BFSP2: variants seen among roughly 807,000 people sequenced by gnomAD.
BFSP2 encodes the protein beaded filament structural protein 2, also known as phakinin.
BFSP2 carries 38 observed loss-of-function variants against 44.9 expected under a neutral mutation model. That is an observed-to-expected ratio of 0.85 (90% CI 0.65 to 1.11). The LOEUF (loss-of-function observed/expected upper bound fraction) is 1.11, where lower values mean the gene tolerates loss of function less well. Among genes scored for constraint, BFSP2 ranks in the 50% least tolerant of loss-of-function variants. The pLI is 0.00. For missense variants in BFSP2, 525 were observed against 533.0 expected (o/e 0.99, Z 0.15); for synonymous variants, 197 against 209.9 (o/e 0.94, Z 0.53).
At chr3:133,444,913 C>A (rs147444973) in intron 1 of BFSP2, among the ~76,000 whole-genome samples, 1 of 151,952 alleles carries the variant, frequency 6.6e-6, no homozygotes, top group African/African-American at 2.4e-5. Flanking sequence ...ACTTAGTGCA[C>A]AGATCACCTC....
chr3:133,430,024 T>C (rs9882649), intron 1 of BFSP2, among the ~76,000 whole-genome samples: 123,838 of 148,416 alleles, frequency 0.83, 51,983 homozygotes, highest in Middle Eastern at 0.95. Flanking sequence ...TTTGTCCTTG[T>C]GATAGTTTGC....
At chr3:133,402,157 C>T (rs1475173944) in intron 1 of BFSP2, among the ~76,000 whole-genome samples, 1 of 152,194 alleles carries the variant, frequency 6.6e-6, no homozygotes, top group African/African-American at 2.4e-5. Flanking sequence ...ATCTGCTGGA[C>T]AATCGCTTGC....
rs990964974 is a variant in BFSP2, at chr3:133,436,194, C to A, written c.490-11123C>A. ...ACAAAAAATTAGCTGAGTGCAGTGT[C>A]GTGTGCCTGTAGTCCCAGCTACTGG... On this transcript the variant is annotated intron_variant, in intron 1 of 6. Transcript: ENST00000302334. Among the ~76,000 whole-genome samples the A allele has an allele frequency of 3.3e-5, 5 of 151,982 alleles. 1 individual carries two copies. The South Asian group carries it at 1.0e-3, about 32-fold the overall frequency.
intron 1 of BFSP2, among the ~76,000 whole-genome samples, chr3:133,406,378 T>C (rs1408874267): frequency 1.3e-5 from 2 of 152,202 alleles, no homozygotes; most frequent in African/African-American, 4.8e-5. Flanking sequence ...CCTCTTTCCA[T>C]GCCCCTCTCA....
Position 133,400,453 on chromosome 3 carries a change from G to A in BFSP2, c.370G>A (p.Ala124Thr), listed in dbSNP as rs754811534. The stretch of plus-strand genomic sequence containing the variant: ...GGTGGAATATATGGCCAAAGTGCAC[G>A]CCCTTGAGCAAGTCAGTCAGGAGCT... ...CLVEYMAKVH[A>T]LEQVSQELET... Residue 124 changes from alanine to threonine, a missense_variant, in exon 1 of 7, where the codon GCC becomes ACC. Transcript: ENST00000302334. This position sits in a 1 kb window ranked among gnomAD's most constrained non-coding sequence, Gnocchi z 4.0. The A allele has an allele frequency of 2.0e-5, 33 of 1,613,928 alleles. No homozygotes were observed. The highest frequency in any genetic ancestry group is 5.0e-5 in the Admixed American group (3 of 60,016).
intron 1 of BFSP2, among the ~76,000 whole-genome samples, chr3:133,424,223 T>A (rs1314574613): frequency 1.9e-5 from 2 of 104,004 alleles, no homozygotes; most frequent in African/African-American, 1.2e-4. Context: ...TTTTTTTTTT[T>A]TTTTTTTTTT....
intron 5 of BFSP2, among the ~76,000 whole-genome samples, chr3:133,468,006 G>T (rs1348659678): frequency 6.6e-6 from 1 of 152,174 alleles, no homozygotes; most frequent in Non-Finnish European, 1.5e-5. Context: ...TGCAAAATGG[G>T]TATGATAGTC....
intron 1 of BFSP2, among the ~76,000 whole-genome samples, chr3:133,430,120 G>A (rs1346265300): frequency 6.6e-6 from 1 of 151,910 alleles, no homozygotes; most frequent in African/African-American, 2.4e-5. Flanking sequence ...ATTCCATAGT[G>A]TATATGTGCC....
intron 1 of BFSP2, among the ~76,000 whole-genome samples, chr3:133,431,657 C>T (rs182599248): frequency 6.6e-6 from 1 of 152,126 alleles, no homozygotes; most frequent in African/African-American, 2.4e-5. Flanking sequence ...CTTTAGGTAA[C>T]TCTCACAGCG....
At chr3:133,446,179 G>A (rs1456504871) in intron 1 of BFSP2, among the ~76,000 whole-genome samples, 1 of 152,122 alleles carries the variant, frequency 6.6e-6, no homozygotes, top group Non-Finnish European at 1.5e-5. Context: ...CCAGGACTCT[G>A]GGAGGCCAAG....
intron 1 of BFSP2, among the ~76,000 whole-genome samples, chr3:133,411,176 C>A: frequency 6.9e-5 from 4 of 58,182 alleles, no homozygotes; most frequent in African/African-American, 7.1e-5. Context: ...GTCAGTATAA[C>A]ACCGAAAAAA....
At chr3:133,407,258 T>C (rs936930405) in intron 1 of BFSP2, among the ~76,000 whole-genome samples, 3 of 151,962 alleles carry the variant, frequency 2.0e-5, no homozygotes, top group African/African-American at 7.3e-5. Context: ...AACAAAAAGA[T>C]AAAAGAGATG....
chr3:133,415,238 T>C (rs2073508425), intron 1 of BFSP2, among the ~76,000 whole-genome samples: 1 of 97,436 alleles, frequency 1.0e-5, no homozygotes, highest in African/African-American at 4.2e-5. Flanking sequence ...CTCTGTCCTC[T>C]CCCCTCTACT....
At chr3:133,474,820 A>T in intron 6 of BFSP2, 149 bp from the exon 7 acceptor site, 1 of 1,045,974 alleles carries the variant, frequency 9.6e-7, no homozygotes, top group African/African-American at 1.6e-5. Context: ...ACAGCAAATA[A>T]CCATGGAGTA....
intron 1 of BFSP2, among the ~76,000 whole-genome samples, chr3:133,443,560 C>T (rs2073865706): frequency 6.6e-6 from 1 of 152,182 alleles, no homozygotes; most frequent in Non-Finnish European, 1.5e-5. Flanking sequence ...AATATGAGCA[C>T]AGAGAAGCAT....
At chr3:133,439,712 G>A (rs1429400552) in intron 1 of BFSP2, among the ~76,000 whole-genome samples, 1 of 152,204 alleles carries the variant, frequency 6.6e-6, no homozygotes, top group Non-Finnish European at 1.5e-5. Context: ...TCAGTTCATG[G>A]TTGGGGAGTG....
At chr3:133,445,673 A>G (rs1310129931) in intron 1 of BFSP2, 1 of 152,240 alleles carries the variant, frequency 6.6e-6, no homozygotes, top group East Asian at 1.9e-4. Context: ...CACAATAAAT[A>G]ACAACTATGT....
rs185811105 is a variant in BFSP2, at chr3:133,470,663, G to A, written c.1024-1682G>A. ...CAATAAGTGTAACCATAATACAAGT[G>A]CTATCATCCAGGGCAATCTACACAT... On this transcript the variant is annotated intron_variant, in intron 5 of 6. Transcript: ENST00000302334. 2.0e-5 allele frequency among the ~76,000 whole-genome samples: 3 copies of A among 151,540 alleles called. No individual in the cohort carries two copies. In the East Asian group the frequency reaches 5.9e-4, roughly 30 times the overall value.
In BFSP2 at chr3:133,447,323, G is replaced by A; in HGVS notation, c.496G>A (p.Glu166Lys). 1 of 1,614,042 alleles carries A rather than the reference G, an allele frequency of 6.2e-7. No homozygotes were observed. The highest frequency in any genetic ancestry group is 1.1e-5 in the South Asian group (1 of 91,072). Residue 166 changes from glutamate to lysine, a missense_variant, in exon 2 of 7, where the codon GAG (glutamate) becomes AAG (lysine). Physicochemically the swap from Glu to Lys is moderately conservative, Grantham distance 56 (BLOSUM62 1). Transcript: ENST00000302334. Reference sequence around the variant, plus strand: ...GTGTGTGTGATCGCTCTAGGTGGGTGAGGCAGTCTTGGAAAATGCCCGGCT... The same window carrying A: ...GTGTGTGTGATCGCTCTAGGTGGGTAAGGCAGTCTTGGAAAATGCCCGGCT... ...SWASSCQQVG[E>K]AVLENARLML...
Sources: allele counts gnomAD v4.1 joint callset (sites outside exome capture counted in the v4.1 genomes callset), GRCh38; gene constraint gnomAD v4.1.1; non-coding constraint Gnocchi (gnomAD v3.1); transcripts MANE v1.5; gene names NCBI Gene and HGNC (gene_info 2026-07-23, HGNC 2026-07-21).